The following JMJD8 variants were observed in gnomAD, a reference collection of about 807,000 sequenced individuals.
JMJD8 encodes jumonji domain containing 8, also known as jmjC domain-containing protein 8.
In JMJD8, 56 loss-of-function variants were observed where a neutral mutation model predicts 37.6. That is an observed-to-expected ratio of 1.49 (90% confidence interval 1.20 to 1.86). JMJD8 has a LOEUF of 1.86. JMJD8 is among the 40% of genes most tolerant of loss of function. The probability of loss-of-function intolerance (pLI) is 0.00; values close to 1 mark genes in which losing one functional copy is unlikely to be tolerated. For synonymous variants in JMJD8, 261 were observed against 163.7 expected, an observed-to-expected ratio of 1.59 and a Z score of -4.54; for missense variants, 542 against 362.7, an observed-to-expected ratio of 1.49 and a Z score of -4.01.
rs982856401 is a variant in JMJD8 at position 682,668 on chromosome 16, G to A, written c.*126C>T. On this transcript the variant is annotated 3_prime_UTR_variant, in exon 9 of 9. Transcript: ENST00000609261. ...CTGGGCCGTGATCGTCCCCCTTTGTGGGCTGGAAAAGCAGGTGAGGGTGGG... is the reference window on the plus strand; with the variant it reads ...CTGGGCCGTGATCGTCCCCCTTTGTAGGCTGGAAAAGCAGGTGAGGGTGGG... The A allele has an allele frequency of 2.1e-6, 3 of 1,413,900 alleles. No individual in the cohort carries two copies. The highest frequency in any genetic ancestry group is 2.4e-5 in the East Asian group (1 of 41,856). 87.6% of individuals were successfully genotyped at this position (1,413,900 alleles called of 1,614,324 possible). A position where few individuals can be genotyped will look rare whatever the true frequency, so the allele number is the denominator to read the frequency against.
Position 683,613 on chromosome 16 carries a change from C to T in JMJD8, c.323-15G>A. On this transcript the variant is annotated splice_polypyrimidine_tract_variant and intron_variant, in intron 4 of 8. Transcript: ENST00000609261. Reference sequence around the variant, plus strand: ...GGGCAAGTCCACTGCAGGAAAGAGACGGGTCAGGACCGTCTGGTCCAGCCG... The same window carrying T: ...GGGCAAGTCCACTGCAGGAAAGAGATGGGTCAGGACCGTCTGGTCCAGCCG... 6.3e-7 allele frequency: 1 copy of T among 1,576,226 alleles called. No individual in the cohort carries two copies. Among genetic ancestry groups the T allele is most frequent in the Non-Finnish European group, 8.6e-7 (1 of 1,161,314 alleles).
At chr16:684,026 G>A (rs377570482) in intron 2 of JMJD8, 40 bp downstream of exon 2, 1 of 1,570,778 alleles carries the variant, frequency 6.4e-7, no homozygotes, top group East Asian at 2.3e-5. Context: ...AGACGGGCCG[G>A]TGAACAGGAC....
Position 682,582 on chromosome 16 carries a change from C to G in JMJD8, c.*212G>C. 6.4e-7 allele frequency: 1 copy of G among 1,553,642 alleles called. No individual in the cohort carries two copies. ...TAGTTTATGTTCCTGGCCACCCCGA[C>G]CGCTTCCCCCAAGTTCTGCTGTTGG... On this transcript the variant is annotated 3_prime_UTR_variant, in exon 9 of 9. Coordinates refer to ENST00000609261, the MANE Select transcript of JMJD8 (RefSeq NM_001005920.4).
Position 682,258 on chromosome 16 carries a change from A to C in JMJD8, c.*536T>G. On this transcript the variant is annotated 3_prime_UTR_variant, in exon 9 of 9. Coordinates refer to ENST00000609261, the MANE Select transcript of JMJD8 (RefSeq NM_001005920.4). The stretch of plus-strand genomic sequence containing the variant: ...GCCCAGTGGCATCACCTACGACCGC[A>C]AGGACATCGAGGAGCACCTGCAGGT... 1 of 1,610,218 alleles carries C rather than the reference A, an allele frequency of 6.2e-7. No homozygotes were observed.
In JMJD8 at chr16:683,773, C is replaced by T. The variant is rs747519555; in HGVS notation, c.234G>A (p.Arg78=). ...LQGLTDNSRF[R]ALCSRDRLLA... is the part of the protein sequence containing the mutation. ...GCAACCTGTCGCGGGAGCACAGGGC[C>T]CGGAACCTCTGCGGGGGCGGGGAGG... The change falls in exon 4 of 9, where the codon CGG becomes CGA. Residue 78 remains arginine, a synonymous_variant. Coordinates refer to ENST00000609261, the MANE Select transcript of JMJD8 (RefSeq NM_001005920.4). The T allele has an allele frequency of 3.7e-6, 6 of 1,607,340 alleles. No individual in the cohort carries two copies. Among genetic ancestry groups the T allele is most frequent in the Non-Finnish European group, 5.1e-6 (6 of 1,177,620 alleles).
At chr16:682,905 A>G in intron 8 of JMJD8, 31 bp from the exon 9 acceptor site, 1 of 1,612,444 alleles carries the variant, frequency 6.2e-7, no homozygotes, top group South Asian at 1.1e-5. Flanking sequence ...AGCAGAGATT[A>G]GCTGCGGGCC....
chr16:683,279 C>T (rs766263901), intron 6 of JMJD8, 43 bp downstream of exon 6: 3 of 1,612,408 alleles, frequency 1.9e-6, no homozygotes, highest in Non-Finnish European at 2.5e-6. Context: ...TTTGTACTCA[C>T]CGACAGAAGC....
Position 682,072 on chromosome 16 carries a change from G to A in JMJD8, c.*722C>T, listed in dbSNP as rs755255559. Reference sequence around the variant, plus strand: ...CTTTTTTCTCAGGTGGATGAGAAGAGGAAGGTGAGTGTGTGTCGCTTGCTG... The same window carrying A: ...CTTTTTTCTCAGGTGGATGAGAAGAAGAAGGTGAGTGTGTGTCGCTTGCTG... On this transcript the variant is annotated 3_prime_UTR_variant, in exon 9 of 9. Coordinates refer to ENST00000609261, the MANE Select transcript of JMJD8 (RefSeq NM_001005920.4). 27 of 1,583,276 alleles carry A rather than the reference G, an allele frequency of 1.7e-5. No homozygotes were observed. The highest frequency in any genetic ancestry group is 2.2e-5 in the Non-Finnish European group (26 of 1,158,944).
chr16:681,887 G>C lies in JMJD8; in HGVS notation c.*907C>G, dbSNP rs762305489. The C allele has an allele frequency of 6.2e-7, 1 of 1,613,020 alleles. No homozygotes were observed. Among genetic ancestry groups the C allele is most frequent in the South Asian group, 1.1e-5 (1 of 91,078 alleles). On this transcript the variant is annotated 3_prime_UTR_variant, in exon 9 of 9. Transcript: ENST00000609261. ...CTGCATTGAGGCCAAGCACGTGAGGGTGCCCCCCACCCACATGTGGGTCTG... is the reference window on the plus strand; with the variant it reads ...CTGCATTGAGGCCAAGCACGTGAGGCTGCCCCCCACCCACATGTGGGTCTG...
Position 684,056 on chromosome 16 carries a change from G to A in JMJD8, c.176+10C>T. 6.3e-7 allele frequency: 1 copy of A among 1,579,656 alleles called. No individual in the cohort carries two copies. The highest frequency in any genetic ancestry group is 1.7e-4 in the Middle Eastern group (1 of 6,038). ...CAGGACGCGACCTCCGCGATCAGGG[G>A]CGCACGTACTGCTGCACGAACTCCG... On this transcript the variant is annotated intron_variant, in intron 2 of 8. Coordinates refer to ENST00000609261, the MANE Select transcript of JMJD8 (RefSeq NM_001005920.4).
chr16:683,912 G>A lies in JMJD8; in HGVS notation c.177-3C>T. 1 of 1,576,652 alleles carries A rather than the reference G, an allele frequency of 6.3e-7. No homozygotes were observed. Among genetic ancestry groups the A allele is most frequent in the East Asian group, 2.3e-5 (1 of 42,690 alleles). On this transcript the variant is annotated splice_polypyrimidine_tract_variant and splice_region_variant and intron_variant, in intron 2 of 8. Coordinates refer to ENST00000609261, the MANE Select transcript of JMJD8 (RefSeq NM_001005920.4). ...TGACGGGCCTGACGAAGGCGTACCTGGAAAGAAGGGCAGAGTCGCGGCCAG... is the reference window on the plus strand; with the variant it reads ...TGACGGGCCTGACGAAGGCGTACCTAGAAAGAAGGGCAGAGTCGCGGCCAG...
chr16:684,110 C>G lies in JMJD8; in HGVS notation c.132G>C (p.Thr44=), dbSNP rs751176407. Residue 44 remains threonine, a synonymous_variant, in exon 2 of 9, where the codon ACG becomes ACC. Coordinates refer to ENST00000609261, the MANE Select transcript of JMJD8 (RefSeq NM_001005920.4). ...AGGTGAGGTCGGCCCGACGCTCCAC[C>G]GTGCAGCGCTCCTCCTCCGCCACGG... The part of the protein sequence containing the change: ...PGAVAEEERC[T]VERRADLTYA... The G allele has an allele frequency of 7.1e-6, 11 of 1,554,470 alleles. No homozygotes were observed. In the Admixed American group the frequency reaches 1.3e-4, roughly 18 times the overall value.
Position 683,232 on chromosome 16 carries a change from C to G in JMJD8, c.514G>C (p.Ala172Pro), listed in dbSNP as rs1223747523. 1 of 1,613,026 alleles carries G rather than the reference C, an allele frequency of 6.2e-7. No homozygotes were observed. The highest frequency in any genetic ancestry group is 1.3e-5 in the African/African-American group (1 of 74,910). The change falls in exon 7 of 9, where the codon GCT (alanine) becomes CCT (proline). Residue 172 changes from alanine to proline, a missense_variant and splice_region_variant. Coordinates refer to ENST00000609261, the MANE Select transcript of JMJD8 (RefSeq NM_001005920.4). ...APAYSFGIAGAGSGVPFHWHG... is the reference protein window; with the variant it reads ...APAYSFGIAGPGSGVPFHWHG... Reference sequence around the variant, plus strand: ...CAGTGGAAGGGCACCCCCGAGCCAGCTCCTGTGGGGTTATGAGCACCTGGT... The same window carrying G: ...CAGTGGAAGGGCACCCCCGAGCCAGGTCCTGTGGGGTTATGAGCACCTGGT...
At position 683,665 on chromosome 16, in the gene JMJD8, C is replaced by A; in HGVS notation, c.322+20G>T. The A allele has an allele frequency of 6.3e-7, 1 of 1,589,758 alleles. No individual in the cohort carries two copies. The highest frequency in any genetic ancestry group is 2.3e-5 in the East Asian group (1 of 43,516). On this transcript the variant is annotated intron_variant, in intron 4 of 8. Coordinates refer to ENST00000609261, the MANE Select transcript of JMJD8 (RefSeq NM_001005920.4). Reference sequence around the variant, plus strand: ...CCCGGTGTTGGCAAATGGGCGGGCCCCAGGGGTGAGGCCGCGTACCTTTGT... The same window carrying A: ...CCCGGTGTTGGCAAATGGGCGGGCCACAGGGGTGAGGCCGCGTACCTTTGT...
Position 683,896 on chromosome 16 carries a change from T to A in JMJD8, c.190A>T (p.Arg64Trp). Residue 64 changes from arginine (R) to tryptophan (W), a missense_variant, in exon 3 of 9, where the codon AGG becomes TGG. By Grantham distance (101) the Arg-to-Trp change is moderately radical (BLOSUM62 -3). Coordinates refer to ENST00000609261, the MANE Select transcript of JMJD8 (RefSeq NM_001005920.4). ...AEFVQQYAFV[R>W]PVILQGLTDN... is the part of the protein sequence containing the mutation. ...GTGAGTCCCTGCAGGATGACGGGCCTGACGAAGGCGTACCTGGAAAGAAGG... is the reference window on the plus strand; with the variant it reads ...GTGAGTCCCTGCAGGATGACGGGCCAGACGAAGGCGTACCTGGAAAGAAGG... 1 of 1,581,590 alleles carries A rather than the reference T, an allele frequency of 6.3e-7. No individual in the cohort carries two copies. The highest frequency in any genetic ancestry group is 8.6e-7 in the Non-Finnish European group (1 of 1,166,698).
In JMJD8 at chr16:682,973, A is replaced by G; in HGVS notation, c.694T>C (p.Cys232Arg). The change falls in exon 8 of 9, where the codon TGT (cysteine) becomes CGT (arginine). Residue 232 changes from cysteine to arginine, a missense_variant. Transcript: ENST00000609261. ...ALPPSARPLE[C>R]TIRAGEVLYF... The stretch of plus-strand genomic sequence containing the variant: ...CTGACCTCACCAGCCCGGATGGTAC[A>G]CTCCAGGGGCCGTGCAGACGGTGGC... The G allele has an allele frequency of 3.7e-6, 6 of 1,612,886 alleles. No individual in the cohort carries two copies. The highest frequency in any genetic ancestry group is 5.1e-6 in the Non-Finnish European group (6 of 1,179,740).
Position 683,387 on chromosome 16 carries a change from CGAAAGAGA to C in JMJD8, c.438_445del (p.Leu147AlafsTer44), listed in dbSNP as rs1567286762. The C allele has an allele frequency of 1.3e-6, 2 of 1,555,636 alleles. No individual in the cohort carries two copies. The highest frequency in any genetic ancestry group is 1.7e-6 in the Non-Finnish European group (2 of 1,149,374). ...GCCAAATGGGGGTGGGGAGTAGTGC[CGAAAGAGA>C]GAGGCCCACTCGGTGAAGTTGTTGT... On this transcript the variant is annotated frameshift_variant, in exon 6 of 9. Coordinates refer to ENST00000609261, the MANE Select transcript of JMJD8 (RefSeq NM_001005920.4). LOFTEE classifies it high-confidence loss of function.
Position 681,812 on chromosome 16 carries a change from C to A in JMJD8, c.*982G>T. On this transcript the variant is annotated 3_prime_UTR_variant, in exon 9 of 9. Transcript: ENST00000609261. Reference sequence around the variant, plus strand: ...CCCCAGGGAGCTGGAAGAGTGCCAGCGAAACCACGAGGGTGATGAGGACGA... The same window carrying A: ...CCCCAGGGAGCTGGAAGAGTGCCAGAGAAACCACGAGGGTGATGAGGACGA... The A allele has an allele frequency of 6.2e-7, 1 of 1,602,616 alleles. No homozygotes were observed. The highest frequency in any genetic ancestry group is 1.1e-5 in the South Asian group (1 of 90,408).
Position 681,894 on chromosome 16 carries a change from C to G in JMJD8, c.*900G>C. On this transcript the variant is annotated 3_prime_UTR_variant, in exon 9 of 9. Coordinates refer to ENST00000609261, the MANE Select transcript of JMJD8 (RefSeq NM_001005920.4). ...GAGGCCAAGCACGTGAGGGTGCCCC[C>G]CACCCACATGTGGGTCTGTGTGTGT... 1 of 1,612,792 alleles carries G rather than the reference C, an allele frequency of 6.2e-7. No homozygotes were observed. The highest frequency in any genetic ancestry group is 8.5e-7 in the Non-Finnish European group (1 of 1,179,702).
Sources: gnomAD v4.1 joint callset for allele counts on GRCh38, gnomAD v4.1.1 for gene constraint, MANE v1.5 for transcripts, NCBI Gene and HGNC (gene_info 2026-07-23, HGNC 2026-07-21) for gene names.